FBXO34: variants seen among roughly 807,000 people sequenced by gnomAD.
FBXO34 encodes the protein F-box only protein 34.
A neutral mutation model predicts 24.5 loss-of-function variants in FBXO34; 12 were observed. The ratio of observed to expected loss-of-function variants is 0.49; its 90% CI spans 0.31 to 0.79. FBXO34 has a LOEUF of 0.79. Ranked by LOEUF, FBXO34 falls within the 30% of genes least tolerant of loss-of-function variation. The probability of loss-of-function intolerance (pLI) is 0.04; values close to 1 mark genes in which losing one functional copy is unlikely to be tolerated. For missense variants in FBXO34, 823 were observed against 857.7 expected (o/e 0.96, Z 0.51); for synonymous variants, 320 against 311.9 (o/e 1.03, Z -0.27).
the FBXO34 span, among the ~76,000 whole-genome samples, chr14:55,398,214 G>A: frequency 2.0e-5 from 3 of 152,152 alleles, no homozygotes; most frequent in African/African-American, 7.2e-5. Flanking sequence ...GCCTCCCAAA[G>A]TGCTGGGCTT....
At chr14:55,313,132 T>C (rs1022568981) in intron 1 of FBXO34, among the ~76,000 whole-genome samples, 1 of 152,230 alleles carries the variant, frequency 6.6e-6, no homozygotes, top group Non-Finnish European at 1.5e-5. Flanking sequence ...CCTCCTAAGC[T>C]TTGCGGCGTA....
chr14:55,388,293 C>T, the FBXO34 span, among the ~76,000 whole-genome samples: 1 of 152,202 alleles, frequency 6.6e-6, no homozygotes, highest in African/African-American at 2.4e-5. Flanking sequence ...GATTCTGAGT[C>T]ATACAGTGGT....
the FBXO34 span, among the ~76,000 whole-genome samples, chr14:55,411,193 T>C: frequency 6.6e-6 from 1 of 152,240 alleles, no homozygotes; most frequent in Non-Finnish European, 1.5e-5. Context: ...GATTCTCTTC[T>C]ACTCTCTCCT....
At chr14:55,414,295 T>G in the FBXO34 span, 1 of 1,054,494 alleles carries the variant, frequency 9.5e-7, no homozygotes, top group Non-Finnish European at 1.4e-6. Context: ...CATCTACAAT[T>G]AAACGTAGAA....
chr14:55,357,291 T>A (rs1884536045), downstream of FBXO34, among the ~76,000 whole-genome samples: 1 of 152,188 alleles, frequency 6.6e-6, no homozygotes, highest in Non-Finnish European at 1.5e-5. Flanking sequence ...AGAACTGAAA[T>A]GGAAGCAGAG....
chr14:55,286,948 G>A (rs1457319069), intron 1 of FBXO34, among the ~76,000 whole-genome samples: 9 of 124,848 alleles, frequency 7.2e-5, no homozygotes, highest in East Asian at 6.7e-4. Context: ...TCGCTTTTTC[G>A]CCCAGGCTGG....
At chr14:55,342,668 G>A (rs1884030229) in intron 1 of FBXO34, among the ~76,000 whole-genome samples, 1 of 152,026 alleles carries the variant, frequency 6.6e-6, no homozygotes. Context: ...CCTGGTCTTG[G>A]CATTTTTTCC....
downstream of FBXO34, among the ~76,000 whole-genome samples, chr14:55,371,921 T>A (rs1210536870): frequency 2.0e-5 from 3 of 152,258 alleles, no homozygotes; most frequent in Non-Finnish European, 2.9e-5. Context: ...GACTTTCTAC[T>A]GCCCCTTGAA....
At chr14:55,285,737 C>G (rs1881739510) in intron 1 of FBXO34, among the ~76,000 whole-genome samples, 1 of 152,196 alleles carries the variant, frequency 6.6e-6, no homozygotes, top group African/African-American at 2.4e-5. Context: ...CATTAAAGGT[C>G]TTTTCAGGTG....
At chr14:55,439,618 C>CCCCCCCCCCGCT in the FBXO34 span, among the ~76,000 whole-genome samples, 1 of 60,242 alleles carries the variant, frequency 1.7e-5, no homozygotes, top group Non-Finnish European at 3.2e-5. Flanking sequence ...AAGCAAACCC[C>CCCCCCCCCCGCT]CCCCCGTCTC....
intron 1 of FBXO34, among the ~76,000 whole-genome samples, chr14:55,293,343 A>C (rs1882009858): frequency 6.6e-6 from 1 of 151,456 alleles, no homozygotes; most frequent in Non-Finnish European, 1.5e-5. Flanking sequence ...ACACCCAGCT[A>C]ATTTTTGTGT....
At chr14:55,378,107 A>AT in the FBXO34 span, 3 of 1,578,446 alleles carry the variant, frequency 1.9e-6, no homozygotes, top group Admixed American at 5.2e-5. Flanking sequence ...ATAAAGTTGC[A>AT]TTTTTTGAGG....
chr14:55,427,112 C>G, the FBXO34 span, among the ~76,000 whole-genome samples: 3 of 152,124 alleles, frequency 2.0e-5, no homozygotes, highest in African/African-American at 7.2e-5. Flanking sequence ...AACTTAAGCA[C>G]TGGGAGACTC....
chr14:55,283,625 C>T (rs1298651338), intron 1 of FBXO34, among the ~76,000 whole-genome samples: 2 of 151,768 alleles, frequency 1.3e-5, no homozygotes, highest in East Asian at 1.9e-4. Flanking sequence ...CCACCATGCC[C>T]GACTAATGTA....
chr14:55,424,124 CAT>C, the FBXO34 span: 1 of 1,482,778 alleles, frequency 6.7e-7, no homozygotes, highest in Non-Finnish European at 9.4e-7. Flanking sequence ...ATAGCAATTA[CAT>C]TTTATGAGTC....
At chr14:55,288,682 A>C (rs1196655264) in intron 1 of FBXO34, among the ~76,000 whole-genome samples, 1 of 152,208 alleles carries the variant, frequency 6.6e-6, no homozygotes, top group Non-Finnish European at 1.5e-5. Flanking sequence ...TAATCAGAGA[A>C]AAGGCTTGTT....
chr14:55,440,635 C>G, the FBXO34 span: 1 of 1,390,276 alleles, frequency 7.2e-7, no homozygotes. Context: ...GGGCTTGGAG[C>G]GGGATGCGGA....
the FBXO34 span, among the ~76,000 whole-genome samples, chr14:55,434,673 T>C: frequency 6.6e-6 from 1 of 152,220 alleles, no homozygotes; most frequent in Non-Finnish European, 1.5e-5. Flanking sequence ...TAGCTCATCT[T>C]TGTGTCTGTC....
chr14:55,309,528 T>A (rs567259487), intron 1 of FBXO34, among the ~76,000 whole-genome samples: 6 of 152,334 alleles, frequency 3.9e-5, no homozygotes, highest in Admixed American at 3.3e-4. Context: ...TTTAAACTTA[T>A]CTGATTTTTC....
Sources: allele counts gnomAD v4.1 joint callset (sites outside exome capture counted in the v4.1 genomes callset), GRCh38; gene constraint gnomAD v4.1.1; transcripts MANE v1.5; gene names NCBI Gene and HGNC (gene_info 2026-07-23, HGNC 2026-07-21).